CCDC3: variants seen among roughly 807,000 people sequenced by gnomAD.
CCDC3 encodes the protein coiled-coil domain containing 3.
In CCDC3, 24 loss-of-function variants were observed where a neutral mutation model predicts 21.4. The ratio of observed to expected loss-of-function variants is 1.12; its 90% CI spans 0.81 to 1.58. The LOEUF is 1.58. Ranked by LOEUF, CCDC3 falls within the 40% of genes most tolerant of loss-of-function variation. The pLI is 0.00. For missense variants in CCDC3, 425 were observed against 360.9 expected (o/e 1.18, Z -1.44); for synonymous variants, 186 against 166.0 (o/e 1.12, Z -0.93).
intron 2 of CCDC3, among the ~76,000 whole-genome samples, chr10:12,935,276 T>G (rs1462815932): frequency 6.6e-6 from 1 of 152,116 alleles, no homozygotes; most frequent in African/African-American, 2.4e-5. Flanking sequence ...TGGAGTGCAG[T>G]GGCACAATTT....
intron 2 of CCDC3, among the ~76,000 whole-genome samples, chr10:12,940,922 T>G (rs1295681204): frequency 1.3e-5 from 2 of 151,554 alleles, no homozygotes; most frequent in African/African-American, 4.9e-5. Context: ...GATCCCTGAG[T>G]AGGAATTGCT....
chr10:12,908,122 G>A (rs573237170), intron 2 of CCDC3, among the ~76,000 whole-genome samples: 1 of 152,188 alleles, frequency 6.6e-6, no homozygotes, highest in Non-Finnish European at 1.5e-5. Flanking sequence ...TTCTACTACA[G>A]AGATCATAAA....
At chr10:12,900,649 C>G (rs2131193079) in intron 2 of CCDC3, among the ~76,000 whole-genome samples, 1 of 147,766 alleles carries the variant, frequency 6.8e-6, no homozygotes, top group East Asian at 2.0e-4. Flanking sequence ...CGAGATCGCG[C>G]CACTGCACTC....
At chr10:12,910,863 G>A (rs1472988760) in intron 2 of CCDC3, among the ~76,000 whole-genome samples, 1 of 152,102 alleles carries the variant, frequency 6.6e-6, no homozygotes, top group African/African-American at 2.4e-5. Context: ...CCAAAGTGCT[G>A]GGATTATGGG....
rs56054100 is a variant in CCDC3 at position 12,917,180 on chromosome 10, C to CTTTTTTTTTTTTTTTTTT, written c.550-18519_550-18502dup. 1.0e-4 allele frequency among the ~76,000 whole-genome samples: 6 copies of CTTTTTTTTTTTTTTTTTT among 58,238 alleles called. 1 individual carries two copies. The highest frequency in any genetic ancestry group is 4.1e-4 in the African/African-American group (6 of 14,800). 38.2% of individuals were successfully genotyped at this position (58,238 alleles called of 152,430 possible). A position where few individuals can be genotyped will look rare whatever the true frequency, so the allele number is the denominator to read the frequency against. On this transcript the variant is annotated intron_variant, in intron 2 of 2. Transcript: ENST00000378825. ...GTTGGAAATGTCCTTATTTCTTCTTCTTTTTTTTTTTTTTTTTTTTTTTTT... is the reference window on the plus strand; with the variant it reads ...GTTGGAAATGTCCTTATTTCTTCTTCTTTTTTTTTTTTTTTTTTTTTTTTTTTTTTTTTTTTTTTTTTT...
intron 2 of CCDC3, among the ~76,000 whole-genome samples, chr10:12,943,911 T>C (rs778385641): frequency 1.3e-5 from 2 of 152,180 alleles, no homozygotes; most frequent in Non-Finnish European, 2.9e-5. Flanking sequence ...ATGACGAATC[T>C]TGGGTATTTA....
intron 1 of CCDC3, among the ~76,000 whole-genome samples, chr10:12,998,908 T>G (rs1167112753): frequency 6.6e-6 from 1 of 152,188 alleles, no homozygotes; most frequent in East Asian, 1.9e-4. Context: ...AACAAATGTC[T>G]TAACTCCTCT....
chr10:12,980,932 A>C (rs1835487576), intron 2 of CCDC3, among the ~76,000 whole-genome samples: 1 of 152,220 alleles, frequency 6.6e-6, no homozygotes, highest in South Asian at 2.1e-4. Context: ...GTACTCTGGC[A>C]CATTGCCATA....
intron 5 of CCDC3, among the ~76,000 whole-genome samples, chr10:13,007,287 A>G (rs914221706): frequency 2.0e-5 from 3 of 152,122 alleles, no homozygotes; most frequent in African/African-American, 7.2e-5. Context: ...AAGCCTTTGG[A>G]TTCCCTCCTT....
intron 5 of CCDC3, among the ~76,000 whole-genome samples, chr10:13,019,190 T>C (rs1836112833): frequency 6.6e-6 from 1 of 152,054 alleles, no homozygotes; most frequent in Admixed American, 6.6e-5. Context: ...GCCTTGATCG[T>C]GCCACTGCAC....
At chr10:12,904,939 A>G (rs1834147655) in intron 2 of CCDC3, among the ~76,000 whole-genome samples, 1 of 152,186 alleles carries the variant, frequency 6.6e-6, no homozygotes, top group Non-Finnish European at 1.5e-5. Flanking sequence ...ACAAAAAGAC[A>G]GTATGTTTTT....
chr10:13,008,303 CAG>C (rs1835947963), intron 5 of CCDC3, among the ~76,000 whole-genome samples: 1 of 152,154 alleles, frequency 6.6e-6, no homozygotes. Context: ...TTCAGAGAAT[CAG>C]AGCATGGTTA....
At chr10:12,937,340 C>T (rs915298278) in intron 2 of CCDC3, among the ~76,000 whole-genome samples, 4 of 152,240 alleles carry the variant, frequency 2.6e-5, no homozygotes, top group East Asian at 1.9e-4. Context: ...TCATTTCCTA[C>T]GTAGAGCATT....
upstream of CCDC3, among the ~76,000 whole-genome samples, chr10:13,005,661 T>C (rs1835916782): frequency 6.6e-6 from 1 of 152,206 alleles, no homozygotes; most frequent in Admixed American, 6.5e-5. Context: ...CTTCTGGTGC[T>C]TTCTAAAGAC....
chr10:13,091,932 A>G (rs1252117473), intron 3 of CCDC3, among the ~76,000 whole-genome samples: 1 of 152,140 alleles, frequency 6.6e-6, no homozygotes, highest in Non-Finnish European at 1.5e-5. Context: ...GAGGCTCTGG[A>G]AAGATGCCAC....
intron 2 of CCDC3, among the ~76,000 whole-genome samples, chr10:12,973,713 T>C (rs574990425): frequency 6.6e-6 from 1 of 152,058 alleles, no homozygotes; most frequent in East Asian, 1.9e-4. Context: ...CCCACGGCCT[T>C]ACTTGGGCTT....
intron 2 of CCDC3, among the ~76,000 whole-genome samples, chr10:12,959,862 G>A (rs1219898920): frequency 1.3e-5 from 2 of 152,088 alleles, no homozygotes; most frequent in Non-Finnish European, 2.9e-5. Flanking sequence ...TCCTTTTTAA[G>A]GGGTTTCCTG....
At chr10:12,985,944 C>T (rs1488273290) in intron 2 of CCDC3, among the ~76,000 whole-genome samples, 2 of 152,304 alleles carry the variant, frequency 1.3e-5, no homozygotes, top group African/African-American at 2.4e-5. Flanking sequence ...GGCGCGATCT[C>T]GGCTCACTGC....
At chr10:12,955,156 T>C (rs1835064053) in intron 2 of CCDC3, among the ~76,000 whole-genome samples, 1 of 152,240 alleles carries the variant, frequency 6.6e-6, no homozygotes, top group African/African-American at 2.4e-5. Context: ...TTTAGATTCC[T>C]TGGTATACCC....
Sources: gnomAD v4.1 joint callset for allele counts (sites outside exome capture counted in the v4.1 genomes callset) on GRCh38, gnomAD v4.1.1 for gene constraint, MANE v1.5 for transcripts, NCBI Gene and HGNC (gene_info 2026-07-23, HGNC 2026-07-21) for gene names.